Variants in TOGARAM1 observed in about 807,000 individuals in gnomAD.
TOGARAM1 encodes TOG array regulator of axonemal microtubules 1, also known as TOG array regulator of axonemal microtubules protein 1.
A neutral mutation model predicts 166.6 loss-of-function variants in TOGARAM1; 100 were observed. That is an observed-to-expected ratio of 0.60 (90% CI 0.51 to 0.71). The LOEUF is 0.71. Among genes scored for constraint, TOGARAM1 ranks in the 30% least tolerant of loss-of-function variants. The pLI, the probability that TOGARAM1 is intolerant of heterozygous loss-of-function variation, is 0.00. For missense variants in TOGARAM1, 2,029 were observed against 2,102.7 expected (o/e 0.96, Z 0.69); for synonymous variants, 758 against 763.8 (o/e 0.99, Z 0.13).
chr14:45,044,882 A>C lies in TOGARAM1; in HGVS notation c.4154+12A>C. The C allele has an allele frequency of 6.3e-7, 1 of 1,575,240 alleles. No individual in the cohort carries two copies. Among genetic ancestry groups the C allele is most frequent in the Non-Finnish European group, 8.7e-7 (1 of 1,151,180 alleles). Reference sequence around the variant, plus strand: ...AATGGTGGACAAAGGTAATGTTCAAAATAACCTTGAAATGTCTTTAAACAA... The same window carrying C: ...AATGGTGGACAAAGGTAATGTTCAACATAACCTTGAAATGTCTTTAAACAA... On this transcript the variant is annotated intron_variant, in intron 13 of 19. Coordinates refer to ENST00000361462, the MANE Select transcript of TOGARAM1 (RefSeq NM_001308120.2).
At chr14:45,037,746 G>A (rs1214865224) in intron 11 of TOGARAM1, among the ~76,000 whole-genome samples, 2 of 152,044 alleles carry the variant, frequency 1.3e-5, no homozygotes, top group African/African-American at 2.4e-5. Context: ...CAGTAAAGAT[G>A]GCCAGGTGTG....
Position 44,964,281 on chromosome 14 carries a change from G to C in TOGARAM1, c.1860G>C (p.Gln620His). Residue 620 changes from glutamine (Q) to histidine (H), a missense_variant, in exon 1 of 20, where the codon CAG (glutamine) becomes CAC (histidine). Coordinates refer to ENST00000361462, the MANE Select transcript of TOGARAM1 (RefSeq NM_001308120.2). Reference protein sequence around the residue: ...TDWLLAGNRTQSAHCHCGDHV... With the variant: ...TDWLLAGNRTHSAHCHCGDHV... The stretch of plus-strand genomic sequence containing the variant: ...GGCTTTTGGCTGGTAACAGAACTCA[G>C]AGTGCACACTGTCACTGTGGTGACC... 6.2e-7 allele frequency: 1 copy of C among 1,614,180 alleles called. No individual in the cohort carries two copies. Among genetic ancestry groups the C allele is most frequent in the African/African-American group, 1.3e-5 (1 of 75,054 alleles).
intron 11 of TOGARAM1, among the ~76,000 whole-genome samples, chr14:45,037,201 T>C (rs1474603117): frequency 6.6e-6 from 1 of 152,232 alleles, no homozygotes; most frequent in Non-Finnish European, 1.5e-5. Flanking sequence ...CACACAGATA[T>C]AGTTCCTCTC....
At chr14:45,005,162 GC>G (rs1887894004) in intron 4 of TOGARAM1, among the ~76,000 whole-genome samples, 1 of 150,738 alleles carries the variant, frequency 6.6e-6, no homozygotes, top group South Asian at 2.1e-4. Flanking sequence ...TGATCAACCC[GC>G]CTCAACCTCC....
chr14:45,060,062 G>A (rs942310408), intron 16 of TOGARAM1, among the ~76,000 whole-genome samples: 5 of 151,318 alleles, frequency 3.3e-5, no homozygotes, highest in South Asian at 2.1e-4. Flanking sequence ...ACAGGCACCC[G>A]CCACCACAAC....
At position 44,962,504 on chromosome 14, in the gene TOGARAM1, C is replaced by G. The variant is rs544996265; in HGVS notation, c.83C>G (p.Pro28Arg). ...STYRLQSRSR[P>R]SAPETDDSRV... ...TATCGGCTCCAGAGCCGCAGTCGTC[C>G]TTCCGCCCCAGAGACCGATGATAGT... The change falls in exon 1 of 20, where the codon CCT becomes CGT. Residue 28 changes from proline (P) to arginine (R), a missense_variant. Physicochemically the swap from Pro to Arg is moderately radical, Grantham distance 103. Coordinates refer to ENST00000361462, the MANE Select transcript of TOGARAM1 (RefSeq NM_001308120.2). 32 of 1,612,842 alleles carry G rather than the reference C, an allele frequency of 2.0e-5. No homozygotes were observed. The African/African-American group carries it at 3.7e-4, about 19-fold the overall frequency.
intron 16 of TOGARAM1, among the ~76,000 whole-genome samples, chr14:45,060,665 C>T (rs1882864578): frequency 6.6e-6 from 1 of 152,190 alleles, no homozygotes; most frequent in African/African-American, 2.4e-5. Flanking sequence ...GCTTTCTTAA[C>T]ATCTATTCAG....
At chr14:45,052,403 A>T (rs1566665872) in intron 14 of TOGARAM1, 33 bp from the exon 15 acceptor site, 1 of 1,587,444 alleles carries the variant, frequency 6.3e-7, no homozygotes, top group Non-Finnish European at 8.6e-7. Flanking sequence ...TAATGTCTAA[A>T]AAGTAATATA....
intron 1 of TOGARAM1, among the ~76,000 whole-genome samples, chr14:44,978,963 ATC>A (rs1157911237): frequency 3.3e-5 from 5 of 149,922 alleles, no homozygotes; most frequent in Non-Finnish European, 5.9e-5. Flanking sequence ...GCAAGATCCC[ATC>A]TCTCTCTCTT....
intron 1 of TOGARAM1, among the ~76,000 whole-genome samples, chr14:44,988,497 A>G (rs1341406825): frequency 3.3e-5 from 5 of 152,250 alleles, no homozygotes; most frequent in African/African-American, 9.6e-5. Context: ...TTGATTAACC[A>G]GCAGAATTTA....
At chr14:44,976,315 C>T (rs958585464) in intron 1 of TOGARAM1, among the ~76,000 whole-genome samples, 5 of 152,198 alleles carry the variant, frequency 3.3e-5, no homozygotes, top group Non-Finnish European at 7.3e-5. Flanking sequence ...GATTGCCCTT[C>T]CATATCCATC....
At chr14:45,045,486 C>G (rs1298940238) in intron 13 of TOGARAM1, among the ~76,000 whole-genome samples, 2 of 135,564 alleles carry the variant, frequency 1.5e-5, no homozygotes, top group East Asian at 4.4e-4. Flanking sequence ...AAGTTTGCTG[C>G]AAAAGACACT....
rs923638942 is a variant in TOGARAM1, at chr14:45,073,451, C to T, written c.5212C>T (p.Leu1738Phe). 1 of 1,614,166 alleles carries T rather than the reference C, an allele frequency of 6.2e-7. No individual in the cohort carries two copies. Among genetic ancestry groups the T allele is most frequent in the Non-Finnish European group, 8.5e-7 (1 of 1,180,020 alleles). ...RTATAKLSKALFAQMGQNLLN... is the reference protein window; with the variant it reads ...RTATAKLSKAFFAQMGQNLLN... ...AGCCACAGCTAAATTATCAAAAGCACTCTTTGCACAGATGGGTCAGAATCT... is the reference window on the plus strand; with the variant it reads ...AGCCACAGCTAAATTATCAAAAGCATTCTTTGCACAGATGGGTCAGAATCT... The change falls in exon 20 of 20, where the codon CTC (leucine) becomes TTC (phenylalanine). Residue 1738 changes from leucine to phenylalanine, a missense_variant. Coordinates refer to ENST00000361462, the MANE Select transcript of TOGARAM1 (RefSeq NM_001308120.2).
Position 45,044,830 on chromosome 14 carries a change from C to T in TOGARAM1, c.4114C>T (p.Pro1372Ser), listed in dbSNP as rs758833437. Residue 1372 changes from proline to serine, a missense_variant, in exon 13 of 20, where the codon CCT (proline) becomes TCT (serine). Pro to Ser is a moderately conservative substitution (Grantham distance 74). Coordinates refer to ENST00000361462, the MANE Select transcript of TOGARAM1 (RefSeq NM_001308120.2). ...ALRAMVNNVT[P>S]ARAVVSLING... The stretch of plus-strand genomic sequence containing the variant: ...GAGAGCTATGGTTAATAATGTAACT[C>T]CTGCACGTGCAGTTGTTTCTCTTAT... The T allele has an allele frequency of 1.2e-6, 2 of 1,613,492 alleles. No individual in the cohort carries two copies. Among genetic ancestry groups the T allele is most frequent in the Non-Finnish European group, 1.7e-6 (2 of 1,179,704 alleles).
intron 1 of TOGARAM1, among the ~76,000 whole-genome samples, chr14:44,973,778 G>C (rs907299939): frequency 1.3e-5 from 2 of 151,018 alleles, no homozygotes; most frequent in Non-Finnish European, 3.0e-5. Context: ...CCAGGGTATA[G>C]ACTTCTAAAT....
intron 18 of TOGARAM1, among the ~76,000 whole-genome samples, chr14:45,068,981 A>G (rs910285070): frequency 2.0e-5 from 3 of 152,100 alleles, no homozygotes; most frequent in Non-Finnish European, 4.4e-5. Flanking sequence ...ATAATAAATA[A>G]ACTAACTCAA....
In TOGARAM1 at chr14:45,004,265, C is replaced by T; in HGVS notation, c.2543C>T (p.Ser848Leu). The T allele has an allele frequency of 6.2e-7, 1 of 1,614,112 alleles. No individual in the cohort carries two copies. Among genetic ancestry groups the T allele is most frequent in the South Asian group, 1.1e-5 (1 of 91,080 alleles). Residue 848 changes from serine to leucine, a missense_variant, in exon 4 of 20, where the codon TCA becomes TTA. Physicochemically the swap from Ser to Leu is moderately radical, Grantham distance 145. Coordinates refer to ENST00000361462, the MANE Select transcript of TOGARAM1 (RefSeq NM_001308120.2). ...KKSQDNSVNF[S>L]NSWPLKSFEG... ...TCTCAAGATAATTCTGTTAATTTCT[C>T]AAATTCCTGGCCTCTTAAAAGCTTC...
At chr14:45,071,937 A>G in intron 19 of TOGARAM1, 139 bp downstream of exon 19, 1 of 612,542 alleles carries the variant, frequency 1.6e-6, no homozygotes, top group Non-Finnish European at 2.7e-6. Context: ...ATGATCCACA[A>G]GAGAACCTTT....
At chr14:44,995,145 A>C (rs1887352725) in intron 1 of TOGARAM1, among the ~76,000 whole-genome samples, 1 of 152,212 alleles carries the variant, frequency 6.6e-6, no homozygotes, top group South Asian at 2.1e-4. Context: ...TTGTTCCTTA[A>C]CTATCATATG....
Sources: gnomAD v4.1 joint callset for allele counts (sites outside exome capture counted in the v4.1 genomes callset) on GRCh38, gnomAD v4.1.1 for gene constraint, MANE v1.5 for transcripts, NCBI Gene and HGNC (gene_info 2026-07-23, HGNC 2026-07-21) for gene names.